The following P2RX7 variants were observed in gnomAD, a reference collection of about 807,000 sequenced individuals.
P2RX7 encodes P2X purinoceptor 7.
P2RX7 carries 62 observed loss-of-function variants against 71.6 expected under a neutral mutation model. The ratio of observed to expected loss-of-function variants is 0.87; its 90% CI spans 0.71 to 1.07. The LOEUF (loss-of-function observed/expected upper bound fraction) is 1.07, where lower values mean the gene tolerates loss of function less well. Among genes scored for constraint, P2RX7 ranks in the 50% least tolerant of loss-of-function variants. P2RX7 has a pLI of 0.00. For synonymous variants in P2RX7, 299 were observed against 283.3 expected, an observed-to-expected ratio of 1.06 and a Z score of -0.56; for missense variants, 686 against 748.5, an observed-to-expected ratio of 0.92 and a Z score of 0.97.
At chr12:121,182,069 A>AAT (rs1884240487) in intron 12 of P2RX7, among the ~76,000 whole-genome samples, 1 of 151,992 alleles carries the variant, frequency 6.6e-6, no homozygotes, top group Non-Finnish European at 1.5e-5. Flanking sequence ...TCTAAAAAAA[A>AAT]AAAAAAAAAA....
chr12:121,138,413 T>C (rs1185133953), intron 1 of P2RX7, among the ~76,000 whole-genome samples: 2 of 152,258 alleles, frequency 1.3e-5, no homozygotes, highest in East Asian at 1.9e-4. Flanking sequence ...ATTGATCAGA[T>C]GTGAGTTACA....
Position 121,149,242 on chromosome 12 carries a change from A to G in P2RX7, c.126-5543A>G. On this transcript the variant is annotated intron_variant, in intron 1 of 12. Coordinates refer to ENST00000328963, the MANE Select transcript of P2RX7 (RefSeq NM_002562.6). The surrounding 1 kb of genome is among the most constrained non-coding windows in gnomAD (Gnocchi z 4.7). ...GCAGCCTCAGGGTCCCATGGGCCCA[A>G]CCTCACCCTCCATCCTTATTTCCCT... 3.2e-6 allele frequency: 1 copy of G among 314,478 alleles called. No individual in the cohort carries two copies. 19.5% of individuals were successfully genotyped at this position (314,478 alleles called of 1,614,324 possible).
At chr12:121,171,016 C>G (rs1221002385) in intron 8 of P2RX7, among the ~76,000 whole-genome samples, 1 of 152,070 alleles carries the variant, frequency 6.6e-6, no homozygotes, top group Non-Finnish European at 1.5e-5. Context: ...TTATGCACGA[C>G]CTGTGTGAAG....
At chr12:121,155,025 G>A in intron 2 of P2RX7, 72 bp downstream of exon 2, 1 of 1,589,184 alleles carries the variant, frequency 6.3e-7, no homozygotes, top group African/African-American at 1.3e-5. Context: ...CCTTCCCCTA[G>A]GATCTACAGC....
At chr12:121,153,211 C>T (rs1226605245) in intron 1 of P2RX7, among the ~76,000 whole-genome samples, 2 of 152,198 alleles carry the variant, frequency 1.3e-5, no homozygotes, top group African/African-American at 4.8e-5. Flanking sequence ...GGTGATTACA[C>T]AGCCAAGGTG....
intron 8 of P2RX7, among the ~76,000 whole-genome samples, chr12:121,173,000 C>T (rs1042081008): frequency 2.6e-5 from 4 of 152,102 alleles, no homozygotes; most frequent in Admixed American, 2.6e-4. Context: ...TTTTATGAAG[C>T]GTTCATTTTA....
intron 1 of P2RX7, 131 bp downstream of exon 1, chr12:121,133,226 C>A (rs1872796912): frequency 9.4e-7 from 1 of 1,067,402 alleles, no homozygotes; most frequent in Non-Finnish European, 1.4e-6. Context: ...TCACAGCCAG[C>A]TGGGCGGGAG....
chr12:121,150,423 T>C (rs553275116), intron 1 of P2RX7, among the ~76,000 whole-genome samples: 1 of 152,206 alleles, frequency 6.6e-6, no homozygotes, highest in Non-Finnish European at 1.5e-5. Flanking sequence ...CAGGAGAACG[T>C]TGCAACATCC....
intron 8 of P2RX7, among the ~76,000 whole-genome samples, chr12:121,172,646 AAAC>A (rs35307011): frequency 1.3e-5 from 2 of 151,316 alleles, no homozygotes; most frequent in African/African-American, 2.5e-5. Flanking sequence ...AAACAAAAAC[AAAC>A]AACAACAACA....
intron 2 of P2RX7, chr12:121,155,362 A>C: frequency 7.7e-7 from 1 of 1,295,288 alleles, no homozygotes. Context: ...TGACTCCAGG[A>C]GACCATTCTT....
intron 11 of P2RX7, 67 bp downstream of exon 11, chr12:121,177,513 C>T (rs1339559553): frequency 1.9e-5 from 29 of 1,490,094 alleles, no homozygotes; most frequent in East Asian, 1.6e-4. Context: ...CAGAAATGCA[C>T]GAAAATTAGG....
chr12:121,155,084 C>T (rs949411388), intron 2 of P2RX7, 131 bp downstream of exon 2: 4 of 1,487,082 alleles, frequency 2.7e-6, no homozygotes, highest in East Asian at 2.3e-5. Context: ...CTGTGAACAT[C>T]CCAACTGAGA....
intron 11 of P2RX7, among the ~76,000 whole-genome samples, chr12:121,180,147 CAAAAA>C (rs60397642): frequency 3.1e-5 from 2 of 64,670 alleles, no homozygotes; most frequent in Non-Finnish European, 2.9e-5. Flanking sequence ...AACTCCAACT[CAAAAA>C]AAAAAAAAAA....
intron 1 of P2RX7, among the ~76,000 whole-genome samples, chr12:121,147,803 G>C (rs894453875): frequency 6.6e-6 from 1 of 151,938 alleles, no homozygotes; most frequent in Non-Finnish European, 1.5e-5. Context: ...GTAGAGATGG[G>C]GTTTCCACCA....
Position 121,166,159 on chromosome 12 carries a change from G to T in P2RX7, c.716G>T (p.Gly239Val). The T allele has an allele frequency of 6.2e-7, 1 of 1,613,850 alleles. No individual in the cohort carries two copies. Among genetic ancestry groups the T allele is most frequent in the East Asian group, 2.2e-5 (1 of 44,880 alleles). ...FRLGDIFRET[G>V]DNFSDVAIQG... ...CTAGGAGACATCTTCCGAGAAACAG[G>T]CGATAATTTTTCAGATGTGGCAATT... is the stretch of plus-strand genomic sequence containing the variant. The change falls in exon 7 of 13, where the codon GGC (glycine) becomes GTC (valine). Residue 239 changes from glycine (G) to valine (V), a missense_variant. Physicochemically the swap from Gly to Val is moderately radical, Grantham distance 109 (BLOSUM62 -3). Coordinates refer to ENST00000328963, the MANE Select transcript of P2RX7 (RefSeq NM_002562.6).
rs1880848214 is a variant in P2RX7, at chr12:121,165,551, G to T, written c.614+114G>T. On this transcript the variant is annotated intron_variant, in intron 6 of 12. Coordinates refer to ENST00000328963, the MANE Select transcript of P2RX7 (RefSeq NM_002562.6). The stretch of plus-strand genomic sequence containing the variant: ...CTATTGTCTCCCACGGTTTCTGTGG[G>T]TCAGGAATCTGGGAATGACTTTGCT... The T allele has an allele frequency of 3.6e-6, 3 of 832,352 alleles. No individual in the cohort carries two copies. The South Asian group carries it at 4.6e-5, about 13-fold the overall frequency. 51.6% of individuals were successfully genotyped at this position (832,352 alleles called of 1,614,324 possible). A position where few individuals can be genotyped will look rare whatever the true frequency, so the allele number is the denominator to read the frequency against.
At chr12:121,180,147 CAAAAAA>C (rs60397642) in intron 11 of P2RX7, among the ~76,000 whole-genome samples, 1 of 64,676 alleles carries the variant, frequency 1.5e-5, no homozygotes, top group Non-Finnish European at 2.9e-5. Context: ...AACTCCAACT[CAAAAAA>C]AAAAAAAAAA....
Position 121,185,075 on chromosome 12 carries a change from C to T in P2RX7, c.*273C>T, listed in dbSNP as rs1884746579. The T allele has an allele frequency of 1.0e-5, 3 of 288,992 alleles. No individual in the cohort carries two copies. The highest frequency in any genetic ancestry group is 1.9e-5 in the Non-Finnish European group (3 of 155,684). The allele number at this position is 288,992 out of a possible 1,614,324, so 17.9% of individuals were successfully genotyped here. On this transcript the variant is annotated 3_prime_UTR_variant, in exon 13 of 13. Transcript: ENST00000328963. Reference sequence around the variant, plus strand: ...TCTCCAGCCTGGGAGGCACAGCAAACTGTCCCCCAAAAAAAAAAAAGAGTC... The same window carrying T: ...TCTCCAGCCTGGGAGGCACAGCAAATTGTCCCCCAAAAAAAAAAAAGAGTC...
intron 1 of P2RX7, among the ~76,000 whole-genome samples, chr12:121,137,578 T>C (rs1873956866): frequency 6.6e-6 from 1 of 152,248 alleles, no homozygotes; most frequent in Non-Finnish European, 1.5e-5. Flanking sequence ...TTTTTTCCTC[T>C]TGGTTAATGG....
Sources: gnomAD v4.1 joint callset for allele counts (sites outside exome capture counted in the v4.1 genomes callset) on GRCh38, gnomAD v4.1.1 for gene constraint, Gnocchi (gnomAD v3.1) non-coding constraint, MANE v1.5 for transcripts, NCBI Gene and HGNC (gene_info 2026-07-23, HGNC 2026-07-21) for gene names.